Variants in SUGCT observed in about 807,000 individuals in gnomAD.
SUGCT encodes the protein succinyl-CoA:glutarate-CoA transferase.
A neutral mutation model predicts 55.0 loss-of-function variants in SUGCT; 41 were observed. That is an observed-to-expected ratio of 0.74 (90% confidence interval 0.58 to 0.97). SUGCT has a LOEUF of 0.97. Ranked by LOEUF, SUGCT falls within the 50% of genes least tolerant of loss-of-function variation. The pLI, the probability that SUGCT is intolerant of heterozygous loss-of-function variation, is 0.00. For missense variants in SUGCT, 568 were observed against 547.8 expected (o/e 1.04, Z -0.37); for synonymous variants, 187 against 200.4 (o/e 0.93, Z 0.56).
At chr7:40,507,309 A>G (rs541838786) in intron 12 of SUGCT, among the ~76,000 whole-genome samples, 1 of 152,112 alleles carries the variant, frequency 6.6e-6, no homozygotes, top group South Asian at 2.1e-4. Context: ...GAGTCTTTCC[A>G]ATTGTTTTTA....
intron 12 of SUGCT, among the ~76,000 whole-genome samples, chr7:40,647,598 C>A (rs1046068512): frequency 1.3e-5 from 2 of 152,124 alleles, no homozygotes; most frequent in Non-Finnish European, 2.9e-5. Context: ...CGCATGTACT[C>A]CCAGCAGTTT....
chr7:40,182,129 G>A, intron 3 of SUGCT, 101 bp downstream of exon 3: 2 of 666,240 alleles, frequency 3.0e-6, no homozygotes, highest in Non-Finnish European at 5.1e-6. Context: ...GTGGGATAAG[G>A]AGAGAATTAA....
intron 12 of SUGCT, among the ~76,000 whole-genome samples, chr7:40,686,772 TG>T (rs1380285138): frequency 6.6e-6 from 1 of 152,172 alleles, no homozygotes; most frequent in Non-Finnish European, 1.5e-5. Flanking sequence ...ATGTCAAATT[TG>T]GCATGTGAAT....
intron 6 of SUGCT, among the ~76,000 whole-genome samples, chr7:40,210,557 A>G (rs1375258911): frequency 6.6e-6 from 1 of 152,124 alleles, no homozygotes; most frequent in African/African-American, 2.4e-5. Context: ...GCACTCGAAT[A>G]TAAAATTTTC....
chr7:40,821,312 T>C (rs201256564), intron 13 of SUGCT, among the ~76,000 whole-genome samples: 11 of 152,306 alleles, frequency 7.2e-5, no homozygotes, highest in African/African-American at 2.6e-4. Context: ...TCTTTTTCTA[T>C]TGATTGGAAT....
chr7:40,681,418 G>C (rs756956567), intron 12 of SUGCT, among the ~76,000 whole-genome samples: 1 of 152,192 alleles, frequency 6.6e-6, no homozygotes, highest in Non-Finnish European at 1.5e-5. Context: ...TTAATGGGTA[G>C]AGGTTCCAGG....
chr7:41,019,701 T>A, the SUGCT span, among the ~76,000 whole-genome samples: 2 of 152,244 alleles, frequency 1.3e-5, no homozygotes, highest in East Asian at 3.8e-4. Flanking sequence ...CAACCCCAGC[T>A]AAGGCTGTAA....
At chr7:40,249,270 C>T (rs1156494233) in intron 7 of SUGCT, among the ~76,000 whole-genome samples, 8 of 131,802 alleles carry the variant, frequency 6.1e-5, no homozygotes, top group African/African-American at 2.3e-4. Flanking sequence ...CCAGCCTGGA[C>T]AACTGAGTGA....
chr7:40,913,008 ATT>A, the SUGCT span, among the ~76,000 whole-genome samples: 193 of 121,560 alleles, frequency 1.6e-3, no homozygotes, highest in African/African-American at 5.9e-3. Flanking sequence ...GCTGGATCCA[ATT>A]TTTTTTTTTT....
At chr7:40,537,851 T>G (rs1794453267) in intron 12 of SUGCT, among the ~76,000 whole-genome samples, 5 of 152,290 alleles carry the variant, frequency 3.3e-5, no homozygotes, top group Admixed American at 3.3e-4. Flanking sequence ...TTTAACTACA[T>G]TATGAGCAAG....
the SUGCT span, among the ~76,000 whole-genome samples, chr7:40,889,781 A>G: frequency 6.6e-6 from 1 of 152,164 alleles, no homozygotes; most frequent in Non-Finnish European, 1.5e-5. Context: ...TTTTACAAGC[A>G]AAATCCCAGG....
chr7:41,013,549 C>T, the SUGCT span, among the ~76,000 whole-genome samples: 11 of 151,990 alleles, frequency 7.2e-5, no homozygotes, highest in Non-Finnish European at 1.5e-4. Context: ...TCCGTGGGTT[C>T]GTTTGAATGT....
the SUGCT span, among the ~76,000 whole-genome samples, chr7:40,961,653 C>G: frequency 6.6e-6 from 1 of 152,156 alleles, no homozygotes; most frequent in South Asian, 2.1e-4. Context: ...AGCTGAGAAC[C>G]CTCGTGGTGA....
intron 12 of SUGCT, among the ~76,000 whole-genome samples, chr7:40,714,696 A>G (rs1439845468): frequency 6.6e-6 from 1 of 152,224 alleles, no homozygotes; most frequent in African/African-American, 2.4e-5. Flanking sequence ...TAAGTCACAA[A>G]TAGTTTTTCT....
At chr7:40,386,196 G>A (rs958828983) in intron 9 of SUGCT, among the ~76,000 whole-genome samples, 4 of 152,166 alleles carry the variant, frequency 2.6e-5, no homozygotes, top group Non-Finnish European at 4.4e-5. Flanking sequence ...TAGGACAAGA[G>A]CTTTGCATGT....
chr7:40,699,710 A>C (rs1785094475), intron 12 of SUGCT, among the ~76,000 whole-genome samples: 1 of 152,060 alleles, frequency 6.6e-6, no homozygotes. Context: ...CTCTACTAAA[A>C]ATACAAAAAT....
At chr7:40,354,417 T>A (rs1474067916) in intron 9 of SUGCT, among the ~76,000 whole-genome samples, 2 of 152,168 alleles carry the variant, frequency 1.3e-5, no homozygotes, top group Non-Finnish European at 2.9e-5. Context: ...GTAAGGGAAC[T>A]GTGGAGGAGA....
At chr7:40,875,165 C>T in the SUGCT span, among the ~76,000 whole-genome samples, 1 of 152,222 alleles carries the variant, frequency 6.6e-6, no homozygotes, top group Non-Finnish European at 1.5e-5. Flanking sequence ...ATTTGTGTCT[C>T]ACACATCTTT....
At chr7:40,556,721 A>G (rs1170361411) in intron 12 of SUGCT, among the ~76,000 whole-genome samples, 1 of 152,234 alleles carries the variant, frequency 6.6e-6, no homozygotes, top group Non-Finnish European at 1.5e-5. Flanking sequence ...TACTGAAGCT[A>G]AAATAGTACT....
Sources: allele counts gnomAD v4.1 joint callset (sites outside exome capture counted in the v4.1 genomes callset), GRCh38; gene constraint gnomAD v4.1.1; transcripts MANE v1.5; gene names NCBI Gene and HGNC (gene_info 2026-07-23, HGNC 2026-07-21).